ITSN1: variants seen among roughly 807,000 people sequenced by gnomAD.
The protein encoded by ITSN1 is intersectin 1.
A neutral mutation model predicts 239.8 loss-of-function variants in ITSN1; 58 were observed. The ratio of observed to expected loss-of-function variants is 0.24; its 90% CI spans 0.20 to 0.30. The LOEUF is 0.30. Among genes scored for constraint, ITSN1 ranks in the 10% least tolerant of loss-of-function variants. The pLI, the probability that ITSN1 is intolerant of heterozygous loss-of-function variation, is 1.00. For missense variants in ITSN1, 1,558 were observed against 2,103.3 expected, an observed-to-expected ratio of 0.74 and a Z score of 5.07; for synonymous variants, 780 against 770.8, an observed-to-expected ratio of 1.01 and a Z score of -0.20.
chr21:33,859,417 C>T (rs1244212294), intron 31 of ITSN1, among the ~76,000 whole-genome samples: 1 of 151,944 alleles, frequency 6.6e-6, no homozygotes. Context: ...TGGATTCGAT[C>T]ATCACAAAGT....
intron 16 of ITSN1, among the ~76,000 whole-genome samples, chr21:33,790,147 A>G (rs2070996662): frequency 6.6e-6 from 1 of 152,104 alleles, no homozygotes; most frequent in African/African-American, 2.4e-5. Context: ...AAATGCCCAT[A>G]TACCCCAAGT....
intron 1 of ITSN1, among the ~76,000 whole-genome samples, chr21:33,674,359 A>G (rs1001073309): frequency 6.6e-6 from 1 of 152,230 alleles, no homozygotes; most frequent in African/African-American, 2.4e-5. Flanking sequence ...CCCACAGCGT[A>G]TAGGCTGAAA....
chr21:33,745,263 A>G (rs1411231531), intron 5 of ITSN1, among the ~76,000 whole-genome samples: 1 of 152,238 alleles, frequency 6.6e-6, no homozygotes, highest in Non-Finnish European at 1.5e-5. Context: ...ATGAGAATGC[A>G]ATCAGCAAAA....
chr21:33,709,188 T>C (rs1239465219), intron 1 of ITSN1, among the ~76,000 whole-genome samples: 1 of 152,196 alleles, frequency 6.6e-6, no homozygotes, highest in Admixed American at 6.6e-5. Flanking sequence ...TGGGATTGCA[T>C]TGAATATACA....
At chr21:33,717,169 G>A (rs113349186) in intron 1 of ITSN1, among the ~76,000 whole-genome samples, 1 of 151,818 alleles carries the variant, frequency 6.6e-6, no homozygotes, top group African/African-American at 2.4e-5. Context: ...TTAAATCTGT[G>A]AGTATTTAGT....
intron 4 of ITSN1, among the ~76,000 whole-genome samples, chr21:33,728,120 A>G (rs1258173699): frequency 2.0e-5 from 3 of 151,924 alleles, no homozygotes; most frequent in African/African-American, 7.3e-5. Flanking sequence ...GCACACTACC[A>G]TGCCTGGCTA....
chr21:33,876,306 CTCCT>C (rs370173741), intron 34 of ITSN1, among the ~76,000 whole-genome samples: 5,609 of 142,730 alleles, frequency 0.039, 135 homozygotes, highest in East Asian at 0.093. Flanking sequence ...CTCTTTCTTT[CTCCT>C]TCCTTCCTTC....
chr21:33,880,759 C>A (rs1176771885), intron 34 of ITSN1, among the ~76,000 whole-genome samples: 1 of 152,056 alleles, frequency 6.6e-6, no homozygotes, highest in Non-Finnish European at 1.5e-5. Context: ...TCCGGAGCGC[C>A]CCCCAGGCCA....
At chr21:33,781,655 A>G in intron 15 of ITSN1, 107 bp downstream of exon 15, 1 of 661,094 alleles carries the variant, frequency 1.5e-6, no homozygotes, top group South Asian at 2.1e-5. Context: ...ATCTCGGCCA[A>G]CTGTAACCTC....
intron 4 of ITSN1, among the ~76,000 whole-genome samples, chr21:33,723,797 C>T (rs2065650887): frequency 6.6e-6 from 1 of 152,168 alleles, no homozygotes. Context: ...AAACCAAGGA[C>T]TTATTGTGGC....
chr21:33,713,938 A>G (rs574128668), intron 1 of ITSN1, among the ~76,000 whole-genome samples: 10 of 143,726 alleles, frequency 7.0e-5, no homozygotes, highest in Non-Finnish European at 9.0e-5. Context: ...GGGTTCAAGC[A>G]ATTCTCCTGC....
intron 1 of ITSN1, among the ~76,000 whole-genome samples, chr21:33,691,426 G>A (rs1428931034): frequency 6.6e-6 from 1 of 152,170 alleles, no homozygotes; most frequent in Non-Finnish European, 1.5e-5. Context: ...TTACTCTGAT[G>A]CTTGTTAAAA....
chr21:33,705,701 A>T (rs1568985019), intron 1 of ITSN1, among the ~76,000 whole-genome samples: 2 of 151,606 alleles, frequency 1.3e-5, no homozygotes, highest in African/African-American at 2.4e-5. Context: ...TAAAACCTAC[A>T]TTTTTTTCAA....
At chr21:33,847,132 G>A (rs1248386993) in intron 29 of ITSN1, among the ~76,000 whole-genome samples, 1 of 152,192 alleles carries the variant, frequency 6.6e-6, no homozygotes, top group East Asian at 1.9e-4. Flanking sequence ...GCAGGCTATG[G>A]GTGCTTAGAC....
At chr21:33,828,505 C>T (rs577005682) in intron 26 of ITSN1, among the ~76,000 whole-genome samples, 23 of 152,324 alleles carry the variant, frequency 1.5e-4, no homozygotes, top group Non-Finnish European at 2.9e-4. Context: ...AGAATGAGAG[C>T]GGCTTGCTTA....
Position 33,811,175 on chromosome 21 carries a change from T to G in ITSN1, c.2520T>G (p.Ser840=), listed in dbSNP as rs1237766412. The G allele has an allele frequency of 6.2e-7, 1 of 1,606,592 alleles. No homozygotes were observed. ...CCCCCGCCCCTTTGGCAGTAACCTC[T>G]TCAGAGCCCTCCACGACCCCTAATA... ...RETPAPLAVT[S]SEPSTTPNNW... The change falls in exon 21 of 40, where the codon TCT becomes TCG. Residue 840 remains serine, a synonymous_variant. Coordinates refer to ENST00000381318, the MANE Select transcript of ITSN1 (RefSeq NM_003024.3).
intron 12 of ITSN1, among the ~76,000 whole-genome samples, 200 bp downstream of exon 12, chr21:33,772,523 C>T: frequency 6.6e-6 from 1 of 152,204 alleles, no homozygotes; most frequent in East Asian, 1.9e-4. Context: ...AGCTACTCCC[C>T]ATTTCTTTCT....
intron 4 of ITSN1, 37 bp from the exon 5 acceptor site, chr21:33,735,007 G>T: frequency 2.5e-6 from 4 of 1,570,290 alleles, no homozygotes; most frequent in Non-Finnish European, 3.4e-6. Flanking sequence ...TTCTTTTATG[G>T]TCACAGTTGT....
At chr21:33,884,982 G>A in intron 36 of ITSN1, 59 bp from the exon 37 acceptor site, 1 of 1,259,106 alleles carries the variant, frequency 7.9e-7, no homozygotes, top group Non-Finnish European at 1.2e-6. Flanking sequence ...TGTTTGAACA[G>A]ACCTGAAGCC....
Sources: gnomAD v4.1 joint callset for allele counts (sites outside exome capture counted in the v4.1 genomes callset) on GRCh38, gnomAD v4.1.1 for gene constraint, MANE v1.5 for transcripts, NCBI Gene and HGNC (gene_info 2026-07-23, HGNC 2026-07-21) for gene names.